Variants in DNAJC5 observed in about 807,000 individuals in gnomAD.
The protein encoded by DNAJC5 is DnaJ heat shock protein family (Hsp40) member C5, also known as dnaJ homolog subfamily C member 5.
Under a neutral mutation model 23.2 loss-of-function variants are expected in DNAJC5, and 1 was observed. The observed-to-expected ratio is 0.04, with a 90% CI of 0.02 to 0.20. The LOEUF (loss-of-function observed/expected upper bound fraction) is 0.20, where lower values mean the gene tolerates loss of function less well. Ranked by LOEUF, DNAJC5 falls within the 10% of genes least tolerant of loss-of-function variation. The pLI is 1.00. For synonymous variants in DNAJC5, 136 were observed against 120.0 expected, an observed-to-expected ratio of 1.13 and a Z score of -0.87; for missense variants, 180 against 267.0, an observed-to-expected ratio of 0.67 and a Z score of 2.27.
chr20:63,924,630 T>C (rs975962805), intron 1 of DNAJC5, among the ~76,000 whole-genome samples: 2 of 151,742 alleles, frequency 1.3e-5, no homozygotes, highest in African/African-American at 2.4e-5. Flanking sequence ...GAGGGGGGGA[T>C]TGACTGAGGC....
chr20:63,924,051 T>C (rs1273375426), intron 1 of DNAJC5, among the ~76,000 whole-genome samples: 1 of 152,218 alleles, frequency 6.6e-6, no homozygotes, highest in Non-Finnish European at 1.5e-5. Context: ...GTGTGTCTTT[T>C]CCTCAGTACC....
At chr20:63,910,174 G>A (rs1160410891) in intron 1 of DNAJC5, among the ~76,000 whole-genome samples, 1 of 152,136 alleles carries the variant, frequency 6.6e-6, no homozygotes, top group East Asian at 1.9e-4. Context: ...TGATTGAATA[G>A]TCGCTACCCA....
intron 1 of DNAJC5, among the ~76,000 whole-genome samples, chr20:63,924,621 A>T (rs1568986573): frequency 6.6e-6 from 1 of 152,066 alleles, no homozygotes. Context: ...TGGGAGGCCG[A>T]GGGGGGGATT....
intron 1 of DNAJC5, among the ~76,000 whole-genome samples, chr20:63,907,130 G>C (rs769965536): frequency 6.6e-6 from 1 of 152,158 alleles, no homozygotes; most frequent in South Asian, 2.1e-4. Flanking sequence ...GGTCCATATA[G>C]TACCTTATTC....
At chr20:63,903,197 G>C (rs991188791) in intron 1 of DNAJC5, among the ~76,000 whole-genome samples, 1 of 151,476 alleles carries the variant, frequency 6.6e-6, no homozygotes, top group Non-Finnish European at 1.5e-5. Context: ...GCCTTCCTGG[G>C]CTCGATCCTC....
chr20:63,924,585 G>T (rs1003072374), intron 1 of DNAJC5, among the ~76,000 whole-genome samples: 2 of 152,154 alleles, frequency 1.3e-5, no homozygotes, highest in African/African-American at 2.4e-5. Context: ...CGGGCACGGT[G>T]GCTCATGCCT....
At position 63,928,986 on chromosome 20, in the gene DNAJC5, T is replaced by C. The variant is rs1480049477; in HGVS notation, c.108-326T>C. ...GTGCCATCATTACGCCCCGCCGTGC[T>C]TACCGTTCACTTGGCACTTGTGCAG... On this transcript the variant is annotated intron_variant, in intron 2 of 4. Transcript: ENST00000360864. The surrounding 1 kb of genome is among the most constrained non-coding windows in gnomAD (Gnocchi z 4.6). Among the ~76,000 whole-genome samples the C allele has an allele frequency of 6.6e-6, 1 of 152,254 alleles. No individual in the cohort carries two copies. Among genetic ancestry groups the C allele is most frequent in the Non-Finnish European group, 1.5e-5 (1 of 68,040 alleles).
chr20:63,895,838 G>A (rs1437713597), intron 1 of DNAJC5, among the ~76,000 whole-genome samples: 2 of 152,108 alleles, frequency 1.3e-5, no homozygotes, highest in Non-Finnish European at 2.9e-5. Flanking sequence ...AAAAGCATTT[G>A]GTTTGTTAGA....
At chr20:63,906,581 G>A (rs566298858) in intron 1 of DNAJC5, among the ~76,000 whole-genome samples, 54 of 151,958 alleles carry the variant, frequency 3.6e-4, no homozygotes, top group Admixed American at 3.0e-3. Flanking sequence ...TCAGGAGATC[G>A]AGACCATCCT....
intron 1 of DNAJC5, among the ~76,000 whole-genome samples, chr20:63,899,771 C>G (rs2053398465): frequency 1.3e-5 from 2 of 151,576 alleles, no homozygotes; most frequent in Admixed American, 1.3e-4. Flanking sequence ...TTAGTAGAGA[C>G]AGGGTTTCGC....
At chr20:63,930,794 C>T (rs1041621212) in intron 3 of DNAJC5, 57 bp from the exon 4 acceptor site, 27 of 1,608,586 alleles carry the variant, frequency 1.7e-5, no homozygotes, top group East Asian at 2.2e-5. Context: ...GGGAGTCCTG[C>T]GCCTCCCTCT....
chr20:63,923,002 G>T (rs571205104), intron 1 of DNAJC5, among the ~76,000 whole-genome samples: 1 of 151,858 alleles, frequency 6.6e-6, no homozygotes, highest in Non-Finnish European at 1.5e-5. Flanking sequence ...TTAGCCAGGC[G>T]TGGTGGTACG....
At chr20:63,917,968 C>T (rs1385844371) in intron 1 of DNAJC5, among the ~76,000 whole-genome samples, 6 of 152,220 alleles carry the variant, frequency 3.9e-5, no homozygotes, top group African/African-American at 7.2e-5. Flanking sequence ...CTCCTCCTGC[C>T]AGTGTCTGTG....
chr20:63,913,897 G>A (rs1411033023), intron 1 of DNAJC5, among the ~76,000 whole-genome samples: 2 of 152,292 alleles, frequency 1.3e-5, no homozygotes, highest in Admixed American at 1.3e-4. Flanking sequence ...CACCTTCTTA[G>A]CATCTGTATA....
chr20:63,908,416 T>C (rs971649120), intron 1 of DNAJC5, among the ~76,000 whole-genome samples: 3 of 152,156 alleles, frequency 2.0e-5, no homozygotes, highest in South Asian at 2.1e-4. Flanking sequence ...CCACTCTCTG[T>C]GTCTTGAGCT....
In DNAJC5 at chr20:63,920,345, G is replaced by A. The variant is rs1387445661; in HGVS notation, c.-11-7990G>A. ...TCTGCCCGGGAACAGGTAGTCCTGCGTCGGACCGGGAAGTGTGGTGGGTGT... is the reference window on the plus strand; with the variant it reads ...TCTGCCCGGGAACAGGTAGTCCTGCATCGGACCGGGAAGTGTGGTGGGTGT... On this transcript the variant is annotated intron_variant, in intron 1 of 4. Coordinates refer to ENST00000360864, the MANE Select transcript of DNAJC5 (RefSeq NM_025219.3). This position sits in a 1 kb window ranked among gnomAD's most constrained non-coding sequence, Gnocchi z 4.6. Among the ~76,000 whole-genome samples, 2 of 152,238 alleles carry A rather than the reference G, an allele frequency of 1.3e-5. No homozygotes were observed. The highest frequency in any genetic ancestry group is 2.4e-5 in the African/African-American group (1 of 41,464).
At chr20:63,913,105 C>CTGCTCCATCTCCCCATCTGCACCGTCTCT (rs1555878048) in intron 1 of DNAJC5, among the ~76,000 whole-genome samples, 9 of 152,116 alleles carry the variant, frequency 5.9e-5, no homozygotes, top group East Asian at 3.9e-4. Context: ...ACTGTCTCTC[C>CTGCTCCATCTCCCCATCTGCACCGTCTCT]CAGAGGTGTT....
chr20:63,903,324 C>CT (rs1208057841), intron 1 of DNAJC5, among the ~76,000 whole-genome samples: 1 of 152,124 alleles, frequency 6.6e-6, no homozygotes, highest in African/African-American at 2.4e-5. Context: ...CTCAAACTCT[C>CT]TTTTTTGAGA....
intron 1 of DNAJC5, among the ~76,000 whole-genome samples, chr20:63,910,545 A>G (rs1443635737): frequency 6.6e-6 from 1 of 150,552 alleles, no homozygotes; most frequent in East Asian, 2.0e-4. Context: ...TCCCTCTCGA[A>G]AAAAAAAAGT....
Sources: allele counts gnomAD v4.1 joint callset (sites outside exome capture counted in the v4.1 genomes callset), GRCh38; gene constraint gnomAD v4.1.1; non-coding constraint Gnocchi (gnomAD v3.1); transcripts MANE v1.5; gene names NCBI Gene and HGNC (gene_info 2026-07-23, HGNC 2026-07-21).